The following FSIP2 variants were observed in gnomAD, a reference collection of about 807,000 sequenced individuals.
The protein encoded by FSIP2 is fibrous sheath-interacting protein 2.
Under a neutral mutation model 510.5 loss-of-function variants are expected in FSIP2, and 367 were observed. The observed-to-expected ratio is 0.72, with a 90% CI of 0.66 to 0.78. The LOEUF is 0.78. Among genes scored for constraint, FSIP2 ranks in the 30% least tolerant of loss-of-function variants. The pLI, the probability that FSIP2 is intolerant of heterozygous loss-of-function variation, is 0.00. For missense variants in FSIP2, 7,594 were observed against 7,901.7 expected, an observed-to-expected ratio of 0.96 and a Z score of 1.48; for synonymous variants, 2,601 against 2,732.2, an observed-to-expected ratio of 0.95 and a Z score of 1.50.
At chr2:185,830,739 A>T (rs1694094245) in intron 21 of FSIP2, among the ~76,000 whole-genome samples, 1 of 151,776 alleles carries the variant, frequency 6.6e-6, no homozygotes, top group Non-Finnish European at 1.5e-5. Flanking sequence ...AAACTTATGG[A>T]TACACAACCC....
Position 185,802,840 on chromosome 2 carries a change from G to A in FSIP2, c.13534G>A (p.Asp4512Asn). ...FNDIASNLVS[D>N]IRMKVSQHEI... ...TGACATTGCTTCAAACCTAGTTAGT[G>A]ATATTAGGATGAAAGTTTCCCAACA... Residue 4512 changes from aspartate to asparagine, a missense_variant, in exon 17 of 23, where the codon GAT becomes AAT. Coordinates refer to ENST00000424728, the MANE Select transcript of FSIP2 (RefSeq NM_173651.4). 2.6e-6 allele frequency: 4 copies of A among 1,511,896 alleles called. No homozygotes were observed. Among genetic ancestry groups the A allele is most frequent in the Non-Finnish European group, 3.5e-6 (4 of 1,138,118 alleles). 93.7% of individuals were successfully genotyped at this position (1,511,896 alleles called of 1,614,324 possible).
intron 4 of FSIP2, chr2:185,744,807 G>A (rs1691991239): frequency 6.6e-6 from 1 of 152,580 alleles, no homozygotes; most frequent in African/African-American, 2.4e-5. Context: ...AGTGATTCAA[G>A]AATATGTACA....
rs200092968 is a variant in FSIP2 at position 185,791,403 on chromosome 2, C to G, written c.4267C>G (p.His1423Asp). 6.5e-7 allele frequency: 1 copy of G among 1,534,108 alleles called. No homozygotes were observed. Among genetic ancestry groups the G allele is most frequent in the East Asian group, 2.4e-5 (1 of 40,844 alleles). The part of the protein sequence containing the change: ...CTHHSVNGGN[H>D]IKENAKLQVL... ...TCACCACAGTGTCAATGGTGGAAAC[C>G]ATATTAAAGAGAATGCAAAATTGCA... Residue 1423 changes from histidine to aspartate, a missense_variant, in exon 16 of 23, where the codon CAT becomes GAT. Transcript: ENST00000424728.
intron 13 of FSIP2, among the ~76,000 whole-genome samples, chr2:185,779,855 T>C (rs549959119): frequency 1.3e-5 from 2 of 152,180 alleles, no homozygotes; most frequent in Non-Finnish European, 2.9e-5. Flanking sequence ...CAGATTTTAT[T>C]TGATAAAATT....
chr2:185,824,545 T>C, intron 20 of FSIP2, 65 bp downstream of exon 20: 1 of 950,026 alleles, frequency 1.1e-6, no homozygotes, highest in Non-Finnish European at 1.6e-6. Context: ...TTTTTTTAGT[T>C]ATCAAACTTG....
At chr2:185,766,787 A>G (rs2105567398) in intron 13 of FSIP2, among the ~76,000 whole-genome samples, 1 of 144,734 alleles carries the variant, frequency 6.9e-6, no homozygotes, top group South Asian at 2.4e-4. Flanking sequence ...AGAACTGGAA[A>G]TACCATTTGA....
At chr2:185,769,942 G>T (rs1559017912) in intron 13 of FSIP2, among the ~76,000 whole-genome samples, 1 of 151,982 alleles carries the variant, frequency 6.6e-6, no homozygotes. Context: ...ATCTATTTTT[G>T]TACCAATACC....
At chr2:185,741,349 A>C (rs1347217221) in intron 2 of FSIP2, among the ~76,000 whole-genome samples, 1 of 152,206 alleles carries the variant, frequency 6.6e-6, no homozygotes, top group African/African-American at 2.4e-5. Flanking sequence ...TCATGAGGTA[A>C]TGGTTAATAG....
intron 14 of FSIP2, among the ~76,000 whole-genome samples, chr2:185,783,492 T>G (rs1692899084): frequency 6.6e-6 from 1 of 152,060 alleles, no homozygotes; most frequent in South Asian, 2.1e-4. Context: ...GATGATTGAG[T>G]AAAATAAGTG....
chr2:185,812,766 G>T (rs773622981), intron 17 of FSIP2, among the ~76,000 whole-genome samples: 1 of 151,932 alleles, frequency 6.6e-6, no homozygotes. Flanking sequence ...TTTTAAAGAG[G>T]TTCTTCTGAT....
chr2:185,745,385 G>A, intron 4 of FSIP2, 44 bp from the exon 5 acceptor site: 3 of 1,174,998 alleles, frequency 2.6e-6, no homozygotes, highest in Non-Finnish European at 3.4e-6. Context: ...TCTGGGAAAT[G>A]TAAAAAGCAT....
chr2:185,791,987 A>AGGCTG lies in FSIP2; in HGVS notation c.4854_4858dup (p.Glu1620AlafsTer34). On this transcript the variant is annotated frameshift_variant, in exon 16 of 23. Coordinates refer to ENST00000424728, the MANE Select transcript of FSIP2 (RefSeq NM_173651.4). LOFTEE classifies it high-confidence loss of function. ...ATGGAAATAAGAAAAGCAATAAGAT[A>AGGCTG]GGCTGGGAATATGAAAGCACCAATA... 6.5e-7 allele frequency: 1 copy of AGGCTG among 1,533,962 alleles called. No homozygotes were observed. Among genetic ancestry groups the AGGCTG allele is most frequent in the South Asian group, 1.2e-5 (1 of 83,990 alleles).
At chr2:185,828,417 A>G (rs766014584) in intron 21 of FSIP2, among the ~76,000 whole-genome samples, 5 of 151,850 alleles carry the variant, frequency 3.3e-5, no homozygotes, top group African/African-American at 7.2e-5. Flanking sequence ...TTAAGTCAGC[A>G]TTCCTTGTTT....
At position 185,794,676 on chromosome 2, in the gene FSIP2, T is replaced by C. The variant is rs551594235; in HGVS notation, c.7540T>C (p.Phe2514Leu). The C allele has an allele frequency of 2.6e-4, 400 of 1,533,824 alleles. 2 individuals are homozygous for C. The South Asian group carries it at 4.6e-3, about 18-fold the overall frequency. The change falls in exon 16 of 23, where the codon TTT becomes CTT. Residue 2514 changes from phenylalanine to leucine, a missense_variant. Phe to Leu is a conservative substitution (Grantham distance 22). Coordinates refer to ENST00000424728, the MANE Select transcript of FSIP2 (RefSeq NM_173651.4). ...GCCTCCACTTAATGAAACTGCCAAC[T>C]TTATATCTAATTCTAAGATTAAAAC... ...HLPPLNETAN[F>L]ISNSKIKTSD...
At chr2:185,781,863 AG>A (rs1692856431) in intron 13 of FSIP2, among the ~76,000 whole-genome samples, 1 of 148,650 alleles carries the variant, frequency 6.7e-6, no homozygotes, top group South Asian at 2.1e-4. Flanking sequence ...TTTGAGACGG[AG>A]TCTTGCTCTG....
Position 185,805,278 on chromosome 2 carries a change from G to A in FSIP2, c.15972G>A (p.Lys5324=). ...KLANSLIREF[K]KSDIKVLPNA... ...CAAATTCTCTGATAAGGGAATTTAA[G>A]AAAAGTGATATTAAAGTTTTACCAA... The change falls in exon 17 of 23, where the codon AAG becomes AAA. Residue 5324 remains lysine (K), a synonymous_variant. Transcript: ENST00000424728. The A allele has an allele frequency of 6.3e-7, 1 of 1,593,266 alleles. No individual in the cohort carries two copies.
Position 185,808,283 on chromosome 2 carries a change from T to C in FSIP2, c.18977T>C (p.Ile6326Thr), listed in dbSNP as rs772689616. ...VKIMEKVIKIIDELKSKEKSS... is the reference protein window; with the variant it reads ...VKIMEKVIKITDELKSKEKSS... ...ATTATGGAAAAAGTGATCAAAATTA[T>C]TGATGAACTTAAGTCTAAGGAAAAG... The change falls in exon 17 of 23, where the codon ATT (isoleucine) becomes ACT (threonine). Residue 6326 changes from isoleucine (I) to threonine (T), a missense_variant. Coordinates refer to ENST00000424728, the MANE Select transcript of FSIP2 (RefSeq NM_173651.4). The C allele has an allele frequency of 9.4e-6, 15 of 1,601,902 alleles. No homozygotes were observed. The Admixed American group carries it at 1.2e-4, about 13-fold the overall frequency.
chr2:185,796,425 C>G lies in FSIP2; in HGVS notation c.9289C>G (p.Leu3097Val). The change falls in exon 16 of 23, where the codon CTA becomes GTA. Residue 3097 changes from leucine (L) to valine (V), a missense_variant. Coordinates refer to ENST00000424728, the MANE Select transcript of FSIP2 (RefSeq NM_173651.4). Reference sequence around the variant, plus strand: ...CATGCTTGCTGTAATTAAGAACAAGCTAGACAACGAAATAAGCCAAATGGA... The same window carrying G: ...CATGCTTGCTGTAATTAAGAACAAGGTAGACAACGAAATAAGCCAAATGGA... ...SDMLAVIKNKLDNEISQMEPS... is the reference protein window; with the variant it reads ...SDMLAVIKNKVDNEISQMEPS... 6.5e-7 allele frequency: 1 copy of G among 1,534,580 alleles called. No homozygotes were observed. Among genetic ancestry groups the G allele is most frequent in the East Asian group, 2.4e-5 (1 of 40,828 alleles).
In FSIP2 at chr2:185,795,173, AAC is replaced by A. The variant is rs781491984; in HGVS notation, c.8042_8043del (p.His2681LeufsTer7). 6.5e-7 allele frequency: 1 copy of A among 1,534,854 alleles called. No homozygotes were observed. Among genetic ancestry groups the A allele is most frequent in the South Asian group, 1.2e-5 (1 of 84,016 alleles). ...CCACTTTGCCTAAATTTACAAAAAA[AAC>A]ACACTTAGGACTGAGTGCTGCTAAG... ...ITTLPKFTKKTHLGLSAAKAK... is the reference protein window; with the variant it reads ...ITTLPKFTKKXHLGLSAAKAK... On this transcript the variant is annotated frameshift_variant, in exon 16 of 23. Coordinates refer to ENST00000424728, the MANE Select transcript of FSIP2 (RefSeq NM_173651.4). LOFTEE classifies it high-confidence loss of function.
Sources: allele counts gnomAD v4.1 joint callset (sites outside exome capture counted in the v4.1 genomes callset), GRCh38; gene constraint gnomAD v4.1.1; transcripts MANE v1.5; gene names NCBI Gene and HGNC (gene_info 2026-07-23, HGNC 2026-07-21).